Variants in BRD10 observed in about 807,000 individuals in gnomAD.
BRD10 encodes uncharacterized bromodomain-containing protein 10.
At chr9:6,008,070 C>T in the BRD10 span, 4 of 984,140 alleles carry the variant, frequency 4.1e-6, no homozygotes, top group Non-Finnish European at 4.8e-6. Context: ...CGGCCCTCGC[C>T]GGCCTCACCC....
chr9:5,971,324 C>T, the BRD10 span, among the ~76,000 whole-genome samples: 3 of 152,046 alleles, frequency 2.0e-5, no homozygotes, highest in Admixed American at 6.6e-5. Context: ...AGTATAATTG[C>T]TTTTGAAAAC....
the BRD10 span, among the ~76,000 whole-genome samples, chr9:6,003,118 A>T: frequency 5.9e-5 from 9 of 152,342 alleles, no homozygotes; most frequent in Admixed American, 3.3e-4. Flanking sequence ...TAACAGTAAC[A>T]ATATGGAAAT....
chr9:5,973,954 T>G, the BRD10 span, among the ~76,000 whole-genome samples: 37 of 151,386 alleles, frequency 2.4e-4, no homozygotes, highest in African/African-American at 9.0e-4. Flanking sequence ...AATAGAGAGG[T>G]AGGAAGGTAA....
At chr9:5,922,968 G>A in the BRD10 span, 4 of 1,614,010 alleles carry the variant, frequency 2.5e-6, no homozygotes, top group East Asian at 8.9e-5. Flanking sequence ...TTCTTTGCAA[G>A]CAAAGCCTGA....
the BRD10 span, among the ~76,000 whole-genome samples, chr9:6,005,927 C>T: frequency 6.6e-6 from 1 of 152,130 alleles, no homozygotes; most frequent in Non-Finnish European, 1.5e-5. Context: ...GCTCACTTAA[C>T]GAAGACAGGC....
At chr9:5,965,317 C>A in the BRD10 span, among the ~76,000 whole-genome samples, 102 of 144,326 alleles carry the variant, frequency 7.1e-4, no homozygotes, top group East Asian at 2.2e-3. Context: ...AAAATAAATT[C>A]AAAAAAAAAA....
chr9:5,945,026 G>T, the BRD10 span: 8 of 741,392 alleles, frequency 1.1e-5, no homozygotes, highest in African/African-American at 1.5e-4. Context: ...TGTGGTAACA[G>T]AAGTTGTTTT....
the BRD10 span, chr9:6,008,038 C>A: frequency 2.6e-5 from 30 of 1,153,420 alleles, no homozygotes; most frequent in East Asian, 1.3e-3. Flanking sequence ...CTCTCCCCTC[C>A]CCCCCGGCGG....
the BRD10 span, among the ~76,000 whole-genome samples, chr9:5,904,525 T>G: frequency 6.6e-6 from 1 of 152,220 alleles, no homozygotes; most frequent in Non-Finnish European, 1.5e-5. Flanking sequence ...CAGGCTGGAG[T>G]GCAGTGGCAC....
At chr9:5,941,753 T>C in the BRD10 span, among the ~76,000 whole-genome samples, 2 of 152,064 alleles carry the variant, frequency 1.3e-5, no homozygotes, top group African/African-American at 4.8e-5. Context: ...TATGTAAACA[T>C]AAAGCTGCTC....
At chr9:5,922,902 C>G in the BRD10 span, 122 of 1,613,832 alleles carry the variant, frequency 7.6e-5, 1 homozygote, top group Non-Finnish European at 1.0e-4. Context: ...ACAGCAAGAG[C>G]ATTTCTACCT....
chr9:5,939,191 TTAA>T, the BRD10 span, among the ~76,000 whole-genome samples: 3 of 152,150 alleles, frequency 2.0e-5, no homozygotes, highest in South Asian at 2.1e-4. Flanking sequence ...AAAGCCGTTA[TTAA>T]TGTTATAAAA....
chr9:5,888,852 T>C, the BRD10 span, among the ~76,000 whole-genome samples: 10 of 152,246 alleles, frequency 6.6e-5, no homozygotes, highest in African/African-American at 2.4e-4. Context: ...AAAAACGGTC[T>C]TTTTGAAATG....
chr9:5,971,339 C>G, the BRD10 span, among the ~76,000 whole-genome samples: 6 of 152,110 alleles, frequency 3.9e-5, no homozygotes, highest in African/African-American at 1.4e-4. Flanking sequence ...GAAAACGTTA[C>G]TATGTGATCT....
At chr9:6,006,734 A>AG in the BRD10 span, among the ~76,000 whole-genome samples, 3 of 152,250 alleles carry the variant, frequency 2.0e-5, no homozygotes, top group African/African-American at 4.8e-5. Flanking sequence ...CGACATGGGT[A>AG]GTAAATGATA....
At chr9:5,884,100 T>C in the BRD10 span, among the ~76,000 whole-genome samples, 1 of 152,226 alleles carries the variant, frequency 6.6e-6, no homozygotes, top group South Asian at 2.1e-4. Context: ...TCCCTTCATA[T>C]CACCAATCCA....
chr9:5,889,256 G>A, the BRD10 span, among the ~76,000 whole-genome samples: 6 of 152,142 alleles, frequency 3.9e-5, no homozygotes, highest in African/African-American at 1.2e-4. Context: ...ATTGGGCTAC[G>A]AACTTTTGCC....
chr9:5,916,793 T>C, the BRD10 span, among the ~76,000 whole-genome samples: 1 of 152,116 alleles, frequency 6.6e-6, no homozygotes, highest in Non-Finnish European at 1.5e-5. Flanking sequence ...TCCAGTATCA[T>C]GAATCTTTTC....
chr9:6,007,834 G>A, the BRD10 span: 1 of 1,396,188 alleles, frequency 7.2e-7, no homozygotes, highest in African/African-American at 1.5e-5. Flanking sequence ...CGCTCGAGGT[G>A]CTGGGGGACG....
Sources: allele counts gnomAD v4.1 joint callset (sites outside exome capture counted in the v4.1 genomes callset), GRCh38; gene constraint gnomAD v4.1.1; transcripts MANE v1.5; gene names NCBI Gene and HGNC (gene_info 2026-07-23, HGNC 2026-07-21).